ADGRL2: variants seen among roughly 807,000 people sequenced by gnomAD.
ADGRL2 encodes adhesion G protein-coupled receptor L2.
Under a neutral mutation model 157.4 loss-of-function variants are expected in ADGRL2, and 44 were observed. That is an observed-to-expected ratio of 0.28 (90% CI 0.22 to 0.36). The LOEUF is 0.36. ADGRL2 is among the 10% of genes least tolerant of loss of function. The probability of loss-of-function intolerance (pLI) is 1.00; values close to 1 mark genes in which losing one functional copy is unlikely to be tolerated. For synonymous variants in ADGRL2, 585 were observed against 624.7 expected (o/e 0.94, Z 0.95); for missense variants, 1,510 against 1,768.9 (o/e 0.85, Z 2.63).
intron 2 of ADGRL2, among the ~76,000 whole-genome samples, chr1:81,516,984 G>T (rs968684165): frequency 2.6e-5 from 4 of 151,992 alleles, no homozygotes; most frequent in African/African-American, 4.8e-5. Context: ...TTTAGACAGA[G>T]AAGATGCAAG....
Position 81,425,837 on chromosome 1 carries a change from A to G in ADGRL2, c.-301-19199A>G, listed in dbSNP as rs188832215. On this transcript the variant is annotated intron_variant, in intron 1 of 24. Coordinates refer to the ADGRL2 transcript ENST00000370721. ...ATGGCTGACAACCATATAACAAAAG[A>G]CAGCTTAACAAAAGAAAATACAAAT... is the stretch of plus-strand genomic sequence containing the variant. Among the ~76,000 whole-genome samples, 3 of 151,516 alleles carry G rather than the reference A, an allele frequency of 2.0e-5. No homozygotes were observed. In the East Asian group the frequency reaches 5.8e-4, roughly 29 times the overall value.
Position 81,654,649 on chromosome 1 carries a change from C to T in ADGRL2, c.-143+73669C>T, listed in dbSNP as rs187359464. Among the ~76,000 whole-genome samples, 168 of 152,336 alleles carry T rather than the reference C, an allele frequency of 1.1e-3. 1 individual carries two copies. The highest frequency in any genetic ancestry group is 3.8e-3 in the African/African-American group (160 of 41,586). On this transcript the variant is annotated intron_variant, in intron 3 of 24. Transcript: ENST00000370721. ...GCTTCAAACTCTTCCTCTGCTTCAT[C>T]GTCCCTCTGCCTTTTTTATGCTAAT... is the stretch of plus-strand genomic sequence containing the variant.
chr1:81,741,380 T>C (rs1202408518), intron 1 of ADGRL2, among the ~76,000 whole-genome samples: 1 of 152,094 alleles, frequency 6.6e-6, no homozygotes, highest in Non-Finnish European at 1.5e-5. Context: ...AAAACATAGT[T>C]CACGCAGATC....
At chr1:81,959,515 T>G (rs959270127) in intron 11 of ADGRL2, among the ~76,000 whole-genome samples, 37 of 152,250 alleles carry the variant, frequency 2.4e-4, no homozygotes, top group African/African-American at 8.7e-4. Context: ...AAAATTCACC[T>G]TACTGAGCTT....
intron 1 of ADGRL2, among the ~76,000 whole-genome samples, chr1:81,723,836 G>T (rs1404869945): frequency 2.0e-5 from 3 of 150,654 alleles, no homozygotes; most frequent in Non-Finnish European, 3.0e-5. Context: ...ATTTTTTTTT[G>T]TAATGCTGCA....
chr1:81,419,871 C>T (rs1438770451), intron 1 of ADGRL2, among the ~76,000 whole-genome samples: 1 of 152,178 alleles, frequency 6.6e-6, no homozygotes, highest in African/African-American at 2.4e-5. Flanking sequence ...AACGTCTGGT[C>T]TAACTGCCTT....
chr1:81,555,313 G>T (rs1199296405), intron 2 of ADGRL2, among the ~76,000 whole-genome samples: 1 of 147,568 alleles, frequency 6.8e-6, no homozygotes, highest in African/African-American at 2.5e-5. Flanking sequence ...TATTGCCCAG[G>T]CTGGAGTACA....
chr1:81,372,686 A>T (rs1014945008), intron 1 of ADGRL2, among the ~76,000 whole-genome samples: 4 of 152,178 alleles, frequency 2.6e-5, no homozygotes, highest in Non-Finnish European at 4.4e-5. Context: ...TTAATAATTG[A>T]CTTTGTCATC....
At chr1:81,665,777 G>T (rs919208924) in intron 3 of ADGRL2, among the ~76,000 whole-genome samples, 1 of 152,072 alleles carries the variant, frequency 6.6e-6, no homozygotes, top group Non-Finnish European at 1.5e-5. Context: ...TACTATGACT[G>T]TAACAAATTC....
chr1:81,685,605 A>AC (rs1304050948), intron 3 of ADGRL2, among the ~76,000 whole-genome samples: 2 of 152,120 alleles, frequency 1.3e-5, no homozygotes, highest in Non-Finnish European at 2.9e-5. Context: ...CTTCCTCTTT[A>AC]CTGATTTGGA....
Position 81,737,790 on chromosome 1 carries a change from T to A in ADGRL2, c.-142-24021T>A, listed in dbSNP as rs1419053254. ...GGTAGCTCTGGAACTTCTGGAGTCA[T>A]CCTGGCAAGTAGAACCTTTCAGGTC... is the stretch of plus-strand genomic sequence containing the variant. On this transcript the variant is annotated intron_variant, in intron 1 of 20. Transcript: ENST00000359929. 3.9e-5 allele frequency among the ~76,000 whole-genome samples: 6 copies of A among 152,238 alleles called. 1 individual carries two copies. In the East Asian group the frequency reaches 1.2e-3, roughly 29 times the overall value.
At chr1:81,339,257 A>C (rs1401569146) in intron 1 of ADGRL2, among the ~76,000 whole-genome samples, 2 of 152,228 alleles carry the variant, frequency 1.3e-5, no homozygotes, top group Non-Finnish European at 2.9e-5. Context: ...ATAATTAAGG[A>C]AACAGCTTAA....
intron 2 of ADGRL2, among the ~76,000 whole-genome samples, chr1:81,519,034 G>T (rs1032809603): frequency 1.2e-4 from 18 of 152,238 alleles, no homozygotes; most frequent in East Asian, 5.8e-4. Flanking sequence ...TCAGGCAGGT[G>T]GGTCATTTTT....
chr1:81,615,574 G>T (rs2081627624), intron 3 of ADGRL2, among the ~76,000 whole-genome samples: 1 of 152,166 alleles, frequency 6.6e-6, no homozygotes. Context: ...CCATCTTTAA[G>T]AACTGTAACA....
At chr1:81,665,865 G>A (rs1433680773) in intron 3 of ADGRL2, among the ~76,000 whole-genome samples, 2 of 152,080 alleles carry the variant, frequency 1.3e-5, no homozygotes, top group African/African-American at 4.8e-5. Context: ...ACTCTGGGTG[G>A]TTCCATGTAA....
intron 2 of ADGRL2, among the ~76,000 whole-genome samples, chr1:81,475,672 G>A (rs2078257865): frequency 6.6e-6 from 1 of 152,070 alleles, no homozygotes; most frequent in African/African-American, 2.4e-5. Flanking sequence ...AGGATTATTT[G>A]GGGGGAGGAG....
chr1:81,483,384 T>G (rs1314486265), intron 2 of ADGRL2, among the ~76,000 whole-genome samples: 1 of 152,210 alleles, frequency 6.6e-6, no homozygotes, highest in Non-Finnish European at 1.5e-5. Context: ...CTTCGTGCAT[T>G]TAGCAACATA....
chr1:81,810,422 C>T (rs2089716841), intron 1 of ADGRL2, among the ~76,000 whole-genome samples: 1 of 151,712 alleles, frequency 6.6e-6, no homozygotes, highest in Non-Finnish European at 1.5e-5. Context: ...AAACTGGTTA[C>T]CATCCATACG....
intron 1 of ADGRL2, among the ~76,000 whole-genome samples, chr1:81,809,013 G>C (rs1478575845): frequency 6.6e-6 from 1 of 151,970 alleles, no homozygotes; most frequent in Non-Finnish European, 1.5e-5. Context: ...GTAAAGTTTA[G>C]GTCTGTTTTA....
Sources: allele counts gnomAD v4.1 joint callset (sites outside exome capture counted in the v4.1 genomes callset), GRCh38; gene constraint gnomAD v4.1.1; transcripts MANE v1.5; gene names NCBI Gene and HGNC (gene_info 2026-07-23, HGNC 2026-07-21).